Variants in EYS observed in about 807,000 individuals in gnomAD.
EYS encodes the protein EGF-like photoreceptor maintenance factor.
A neutral mutation model predicts 282.1 loss-of-function variants in EYS; 250 were observed. That is an observed-to-expected ratio of 0.89 (90% CI 0.80 to 0.98). The LOEUF (loss-of-function observed/expected upper bound fraction) is 0.98. Ranked by LOEUF, EYS falls within the 50% of genes least tolerant of loss-of-function variation. EYS has a pLI of 0.00. For synonymous variants in EYS, 1,355 were observed against 1,282.9 expected, an observed-to-expected ratio of 1.06 and a Z score of -1.20; for missense variants, 4,016 against 3,709.0, an observed-to-expected ratio of 1.08 and a Z score of -2.15.
intron 12 of EYS, among the ~76,000 whole-genome samples, chr6:65,193,032 A>T (rs542388858): frequency 2.2e-4 from 33 of 151,970 alleles, no homozygotes; most frequent in African/African-American, 7.9e-4. Flanking sequence ...AACAACATGG[A>T]TAGAACTGGA....
At chr6:65,346,416 AC>A (rs143659556) in intron 9 of EYS, among the ~76,000 whole-genome samples, 18,409 of 147,002 alleles carry the variant, frequency 0.13, 1,336 homozygotes, top group East Asian at 0.26. Context: ...GAAAAAAAAA[AC>A]AAAAAACAAT....
intron 35 of EYS, among the ~76,000 whole-genome samples, chr6:63,888,165 T>A (rs1773313837): frequency 6.6e-6 from 1 of 152,114 alleles, no homozygotes; most frequent in Non-Finnish European, 1.5e-5. Flanking sequence ...AAAACTCCCA[T>A]CTCCCTGGGA....
chr6:65,256,639 T>C (rs1398607179), intron 12 of EYS, among the ~76,000 whole-genome samples: 1 of 45,542 alleles, frequency 2.2e-5, no homozygotes, highest in Non-Finnish European at 4.1e-5. Context: ...ATGGTGTATA[T>C]GTGCCACATT....
chr6:64,093,352 C>T (rs1228002455), intron 31 of EYS, among the ~76,000 whole-genome samples: 5 of 152,090 alleles, frequency 3.3e-5, no homozygotes, highest in Non-Finnish European at 7.3e-5. Flanking sequence ...GGCAGTATGG[C>T]CATTTTCACG....
chr6:64,004,748 T>C (rs1485102071), intron 33 of EYS, among the ~76,000 whole-genome samples: 1 of 152,174 alleles, frequency 6.6e-6, no homozygotes, highest in Non-Finnish European at 1.5e-5. Context: ...TTAGTTCACT[T>C]AGGATAATGG....
chr6:64,075,067 T>C (rs1382783561), intron 32 of EYS, among the ~76,000 whole-genome samples: 1 of 151,934 alleles, frequency 6.6e-6, no homozygotes, highest in East Asian at 1.9e-4. Flanking sequence ...TAAAGACTGT[T>C]TGGTTATCTT....
intron 26 of EYS, among the ~76,000 whole-genome samples, chr6:64,460,735 A>G (rs1775719087): frequency 6.6e-6 from 1 of 152,182 alleles, no homozygotes; most frequent in South Asian, 2.1e-4. Context: ...CTTAATGTTC[A>G]GGTTTTCTGA....
chr6:65,469,792 T>C (rs1765142120), intron 5 of EYS, among the ~76,000 whole-genome samples: 1 of 152,122 alleles, frequency 6.6e-6, no homozygotes, highest in Non-Finnish European at 1.5e-5. Flanking sequence ...CTTCCTCAGC[T>C]ATACATAGGC....
intron 30 of EYS, among the ~76,000 whole-genome samples, chr6:64,254,467 C>G (rs1239279982): frequency 6.6e-6 from 1 of 152,014 alleles, no homozygotes; most frequent in Non-Finnish European, 1.5e-5. Context: ...GTATTTTAGA[C>G]TATTTGGCCC....
At chr6:65,693,312 T>C (rs1769312647) in intron 1 of EYS, among the ~76,000 whole-genome samples, 1 of 149,662 alleles carries the variant, frequency 6.7e-6, no homozygotes, top group African/African-American at 2.4e-5. Flanking sequence ...ACAGTTCATA[T>C]AGCTTGTAAC....
intron 36 of EYS, among the ~76,000 whole-genome samples, chr6:63,834,386 G>C (rs1771742344): frequency 6.6e-6 from 1 of 151,978 alleles, no homozygotes; most frequent in Non-Finnish European, 1.5e-5. Flanking sequence ...TCAAAAAGTG[G>C]GTGAAGGATA....
Position 64,591,213 on chromosome 6 carries a change from A to G in EYS, c.4654T>C (p.Leu1552=). 1 of 1,551,374 alleles carries G rather than the reference A, an allele frequency of 6.4e-7. No individual in the cohort carries two copies. Among genetic ancestry groups the G allele is most frequent in the Non-Finnish European group, 8.7e-7 (1 of 1,146,822 alleles). Residue 1552 remains leucine (L), a synonymous_variant, in exon 26 of 43, where the codon TTA becomes CTA. Transcript: ENST00000503581. ...KSQAADSLRE[L]SQTCATCSMT... is the part of the protein sequence containing the mutation. ...GAACATGTTGCACATGTTTGGCTTA[A>G]TTCTCTTAAAGAATCAGCAGCCTGT...
chr6:64,801,747 T>C (rs2150008331), intron 22 of EYS, among the ~76,000 whole-genome samples: 1 of 152,214 alleles, frequency 6.6e-6, no homozygotes, highest in Admixed American at 6.5e-5. Flanking sequence ...TACCATAATT[T>C]TATTCTAATT....
At chr6:65,353,399 T>C (rs1764359334) in intron 9 of EYS, 59 bp downstream of exon 9, 1 of 1,470,472 alleles carries the variant, frequency 6.8e-7, no homozygotes, top group Admixed American at 1.7e-5. Context: ...AATGAATACG[T>C]GACTAGCAAA....
intron 30 of EYS, among the ~76,000 whole-genome samples, chr6:64,280,206 G>A (rs1164146632): frequency 6.6e-6 from 1 of 151,996 alleles, no homozygotes; most frequent in African/African-American, 2.4e-5. Context: ...TGTCATTATA[G>A]ATAAAAATAA....
chr6:65,705,954 G>A (rs1225967272), intron 1 of EYS, among the ~76,000 whole-genome samples: 1 of 151,626 alleles, frequency 6.6e-6, no homozygotes, highest in East Asian at 1.9e-4. Flanking sequence ...AATATAAACT[G>A]AATCATTATT....
At chr6:65,413,833 G>T (rs748024871) in intron 5 of EYS, among the ~76,000 whole-genome samples, 2 of 151,944 alleles carry the variant, frequency 1.3e-5, no homozygotes, top group African/African-American at 4.8e-5. Context: ...TCCAGTATGG[G>T]CGACAGAGGG....
chr6:64,164,335 C>A (rs951470849), intron 31 of EYS, among the ~76,000 whole-genome samples: 1 of 151,898 alleles, frequency 6.6e-6, no homozygotes, highest in Admixed American at 6.6e-5. Context: ...ATGAGTATTG[C>A]CTTGGAAAAA....
chr6:64,331,583 C>T (rs1324266102), intron 29 of EYS, among the ~76,000 whole-genome samples: 1 of 101,390 alleles, frequency 9.9e-6, no homozygotes, highest in Non-Finnish European at 2.0e-5. Context: ...GGGAGGCTCG[C>T]CTTCCAATAG....
Sources: allele counts gnomAD v4.1 joint callset (sites outside exome capture counted in the v4.1 genomes callset), GRCh38; gene constraint gnomAD v4.1.1; transcripts MANE v1.5; gene names NCBI Gene and HGNC (gene_info 2026-07-23, HGNC 2026-07-21).